PIP5K1B: variants seen among roughly 807,000 people sequenced by gnomAD.
PIP5K1B encodes phosphatidylinositol 4-phosphate 5-kinase type-1 beta.
Under a neutral mutation model 67.0 loss-of-function variants are expected in PIP5K1B, and 42 were observed. That is an observed-to-expected ratio of 0.63 (90% CI 0.49 to 0.81). The LOEUF is 0.81. Ranked by LOEUF, PIP5K1B falls within the 30% of genes least tolerant of loss-of-function variation. PIP5K1B has a pLI of 0.00. For synonymous variants in PIP5K1B, 214 were observed against 231.4 expected (o/e 0.92, Z 0.68); for missense variants, 459 against 646.3 (o/e 0.71, Z 3.14).
intron 14 of PIP5K1B, among the ~76,000 whole-genome samples, chr9:68,988,966 G>T (rs71503648): frequency 0.14 from 21,418 of 151,332 alleles, 2,131 homozygotes; most frequent in Admixed American, 0.2. Flanking sequence ...GTGGTGGCGG[G>T]CGCCTGTAAT....
intron 14 of PIP5K1B, among the ~76,000 whole-genome samples, chr9:68,968,470 A>T (rs1829155143): frequency 6.6e-6 from 1 of 150,842 alleles, no homozygotes; most frequent in Admixed American, 6.6e-5. Flanking sequence ...AGTGAACCGT[A>T]ATCAGCCTGA....
intron 2 of PIP5K1B, among the ~76,000 whole-genome samples, chr9:68,750,456 G>A (rs1306296974): frequency 6.6e-6 from 1 of 152,204 alleles, no homozygotes; most frequent in Non-Finnish European, 1.5e-5. Flanking sequence ...CGTAGCTGTT[G>A]CATTCACTTA....
chr9:68,864,079 A>G (rs1297766534), intron 5 of PIP5K1B, 112 bp downstream of exon 5: 8 of 968,354 alleles, frequency 8.3e-6, no homozygotes, highest in South Asian at 1.8e-5. Flanking sequence ...AGATGTGAAT[A>G]TTGGGCCTTT....
intron 2 of PIP5K1B, among the ~76,000 whole-genome samples, chr9:68,812,579 A>G (rs1416469911): frequency 6.6e-6 from 1 of 152,368 alleles, no homozygotes; most frequent in Non-Finnish European, 1.5e-5. Context: ...GTCAGATTAC[A>G]TAGTAACATC....
At chr9:68,897,948 G>A (rs1455777255) in intron 8 of PIP5K1B, among the ~76,000 whole-genome samples, 1 of 152,142 alleles carries the variant, frequency 6.6e-6, no homozygotes, top group East Asian at 1.9e-4. Context: ...GCCAATCAGA[G>A]CTGCCGTTTC....
rs528957126 is a variant in PIP5K1B at position 68,868,667 on chromosome 9, C to T, written c.200+4700C>T. 1.4e-3 allele frequency among the ~76,000 whole-genome samples: 220 copies of T among 152,318 alleles called. 1 individual carries two copies. The highest frequency in any genetic ancestry group is 4.9e-3 in the African/African-American group (205 of 41,572). On this transcript the variant is annotated intron_variant, in intron 5 of 15. Transcript: ENST00000265382. ...GTCTGCTTCTTTGTTCCCCTAAGAG[C>T]CAGCCCTAATCTGTTCTCCAGGAGA...
chr9:68,836,680 T>C (rs1268133700), intron 4 of PIP5K1B, among the ~76,000 whole-genome samples: 5 of 152,312 alleles, frequency 3.3e-5, no homozygotes, highest in Middle Eastern at 3.4e-3. Context: ...TTTTTTTGTT[T>C]TTTTTTATTA....
At chr9:68,750,810 G>T (rs961620262) in intron 2 of PIP5K1B, among the ~76,000 whole-genome samples, 1 of 152,180 alleles carries the variant, frequency 6.6e-6, no homozygotes, top group Non-Finnish European at 1.5e-5. Flanking sequence ...GCACAAGGGG[G>T]CAGGTTGTGA....
chr9:68,846,108 A>G (rs11143991), intron 4 of PIP5K1B, among the ~76,000 whole-genome samples: 2,869 of 152,344 alleles, frequency 0.019, 62 homozygotes, highest in East Asian at 0.11. Flanking sequence ...ACAATAAAAT[A>G]TATGTGTATT....
rs1827064916 is a variant in PIP5K1B, at chr9:68,705,277, C to A, written c.-728C>A. ...CGCTCCGACTCCGGCGCGCACCAAG[C>A]GGGAACCCGCGCCCGAGCCCGGCGG... On this transcript the variant is annotated 5_prime_UTR_variant, in exon 1 of 16. Coordinates refer to ENST00000265382, the MANE Select transcript of PIP5K1B (RefSeq NM_003558.4). 6.6e-6 allele frequency: 1 copy of A among 151,746 alleles called. No individual in the cohort carries two copies. Among genetic ancestry groups the A allele is most frequent in the Non-Finnish European group, 1.5e-5 (1 of 67,906 alleles). 9.4% of individuals were successfully genotyped at this position (151,746 alleles called of 1,614,324 possible).
intron 4 of PIP5K1B, among the ~76,000 whole-genome samples, chr9:68,831,908 C>T (rs1439748174): frequency 2.6e-5 from 4 of 152,148 alleles, no homozygotes; most frequent in Non-Finnish European, 5.9e-5. Context: ...AACTCCTGAC[C>T]TCAGGTGATC....
At chr9:68,869,365 T>C (rs1344472890) in intron 5 of PIP5K1B, among the ~76,000 whole-genome samples, 1 of 152,180 alleles carries the variant, frequency 6.6e-6, no homozygotes, top group Admixed American at 6.5e-5. Context: ...CCCGATGATC[T>C]GAGATGGAAC....
chr9:68,767,706 T>G (rs1485468138), intron 2 of PIP5K1B, among the ~76,000 whole-genome samples: 1 of 151,824 alleles, frequency 6.6e-6, no homozygotes, highest in African/African-American at 2.4e-5. Flanking sequence ...ATGGAGAAGC[T>G]AGTCCACATA....
In PIP5K1B at chr9:68,716,049, C is replaced by T. The variant is rs1274460686; in HGVS notation, c.-243+10287C>T. ...TTTCATCCCATATTTATTTGTACCT[C>T]TGAATTTGGACCCATATGTGTGGAT... On this transcript the variant is annotated intron_variant, in intron 1 of 15. Coordinates refer to ENST00000265382, the MANE Select transcript of PIP5K1B (RefSeq NM_003558.4). Among the ~76,000 whole-genome samples, 10 of 152,250 alleles carry T rather than the reference C, an allele frequency of 6.6e-5. No homozygotes were observed. In the East Asian group the frequency reaches 1.9e-3, roughly 29 times the overall value.
At chr9:68,873,055 GA>G (rs34817292) in intron 5 of PIP5K1B, among the ~76,000 whole-genome samples, 3 of 151,866 alleles carry the variant, frequency 2.0e-5, no homozygotes, top group Non-Finnish European at 2.9e-5. Context: ...CCTTCATGGG[GA>G]AAAAAAGTCT....
chr9:68,823,310 G>C (rs940850709), intron 4 of PIP5K1B, among the ~76,000 whole-genome samples: 1 of 152,168 alleles, frequency 6.6e-6, no homozygotes, highest in Admixed American at 6.5e-5. Flanking sequence ...TGAGTGAAGA[G>C]AGTTGTTTGA....
At chr9:68,711,297 T>C (rs527302930) in intron 1 of PIP5K1B, among the ~76,000 whole-genome samples, 2 of 152,360 alleles carry the variant, frequency 1.3e-5, no homozygotes, top group South Asian at 4.1e-4. Context: ...CCCATCATTG[T>C]GCTCTCTGGA....
At chr9:68,732,195 G>T (rs1217613978) in intron 1 of PIP5K1B, among the ~76,000 whole-genome samples, 1 of 152,206 alleles carries the variant, frequency 6.6e-6, no homozygotes, top group Non-Finnish European at 1.5e-5. Flanking sequence ...CTTTCAAGGT[G>T]TAGTTTCAGT....
At chr9:68,990,388 T>G (rs1830307953) in intron 14 of PIP5K1B, among the ~76,000 whole-genome samples, 1 of 150,886 alleles carries the variant, frequency 6.6e-6, no homozygotes, top group Admixed American at 6.6e-5. Flanking sequence ...CTGATGTAAT[T>G]GAAAAAGAAG....
Sources: allele counts gnomAD v4.1 joint callset (sites outside exome capture counted in the v4.1 genomes callset), GRCh38; gene constraint gnomAD v4.1.1; transcripts MANE v1.5; gene names NCBI Gene and HGNC (gene_info 2026-07-23, HGNC 2026-07-21).